CD53: variants seen among roughly 807,000 people sequenced by gnomAD.
CD53 encodes the protein CD53 molecule, also known as leukocyte surface antigen CD53.
CD53 carries 20 observed loss-of-function variants against 27.3 expected under a neutral mutation model. The ratio of observed to expected loss-of-function variants is 0.73; its 90% CI spans 0.52 to 1.07. The LOEUF (loss-of-function observed/expected upper bound fraction) is 1.07, where lower values mean the gene tolerates loss of function less well. Among genes scored for constraint, CD53 ranks in the 50% least tolerant of loss-of-function variants. The pLI is 0.00. For missense variants in CD53, 216 were observed against 264.0 expected (o/e 0.82, Z 1.26); for synonymous variants, 106 against 105.3 (o/e 1.01, Z -0.04).
At chr1:110,897,124 T>C (rs1194570465) in intron 6 of CD53, among the ~76,000 whole-genome samples, 1 of 152,214 alleles carries the variant, frequency 6.6e-6, no homozygotes, top group Non-Finnish European at 1.5e-5. Flanking sequence ...TCCTTGGAGA[T>C]GGCAGAATCC....
chr1:110,898,331 C>T (rs934338767), intron 7 of CD53, among the ~76,000 whole-genome samples: 4 of 144,474 alleles, frequency 2.8e-5, no homozygotes, highest in South Asian at 2.2e-4. Flanking sequence ...GAGTCAAGAT[C>T]GTGCCACTGC....
rs757142638 is a variant in CD53, at chr1:110,892,496, T to C, written c.215T>C (p.Met72Thr). 5.6e-6 allele frequency: 9 copies of C among 1,614,070 alleles called. No homozygotes were observed. In the Admixed American group the frequency reaches 8.3e-5, roughly 15 times the overall value. The part of the protein sequence containing the change: ...IIMVVAFLGC[M>T]GSIKENKCLL... ...ATGGTAGTTGCCTTCCTGGGCTGCA[T>C]GGGCTCTATCAAGGAAAACAAGTGT... is the stretch of plus-strand genomic sequence containing the variant. Residue 72 changes from methionine to threonine, a missense_variant, in exon 3 of 8, where the codon ATG (methionine) becomes ACG (threonine). Physicochemically the swap from Met to Thr is moderately conservative, Grantham distance 81. Coordinates refer to ENST00000271324, the MANE Select transcript of CD53 (RefSeq NM_000560.4).
chr1:110,891,589 G>A (rs2101059412), intron 2 of CD53, 118 bp downstream of exon 2: 2 of 753,992 alleles, frequency 2.7e-6, no homozygotes, highest in East Asian at 2.6e-5. Flanking sequence ...GTCATGTCCA[G>A]CACAACCATC....
intron 5 of CD53, 25 bp downstream of exon 5, chr1:110,895,080 A>G (rs755062199): frequency 6.6e-7 from 1 of 1,513,964 alleles, no homozygotes; most frequent in Non-Finnish European, 9.2e-7. Context: ...AATCCTCTTC[A>G]GATCAGCCCA....
chr1:110,895,404 C>T (rs1307888917), intron 5 of CD53, among the ~76,000 whole-genome samples: 1 of 152,154 alleles, frequency 6.6e-6, no homozygotes, highest in Non-Finnish European at 1.5e-5. Context: ...ATTGAGTTCC[C>T]GAGTTGCCCA....
chr1:110,871,848 C>CACACA (rs1553201970), upstream of CD53, among the ~76,000 whole-genome samples: 2 of 144,654 alleles, frequency 1.4e-5, no homozygotes, highest in African/African-American at 2.6e-5. Context: ...CACACACACA[C>CACACA]CACACAGTTC....
rs538109707 is a variant in CD53, at chr1:110,884,913, A to G, written c.-17-6479A>G. 2.6e-5 allele frequency among the ~76,000 whole-genome samples: 4 copies of G among 152,218 alleles called. No homozygotes were observed. In the East Asian group the frequency reaches 7.7e-4, roughly 29 times the overall value. On this transcript the variant is annotated intron_variant, in intron 1 of 7. Coordinates refer to ENST00000271324, the MANE Select transcript of CD53 (RefSeq NM_000560.4). ...CAATCCATCTATTTATTCCTGCTTC[A>G]TATTTTAAGTATTCAGACCATTTCA...
chr1:110,875,281 C>T (rs1252889076), intron 1 of CD53, among the ~76,000 whole-genome samples: 1 of 152,136 alleles, frequency 6.6e-6, no homozygotes, highest in Non-Finnish European at 1.5e-5. Flanking sequence ...AGCCCTTTCT[C>T]CTACTTGGCA....
At chr1:110,874,187 A>G (rs994118432) in intron 1 of CD53, among the ~76,000 whole-genome samples, 4 of 152,180 alleles carry the variant, frequency 2.6e-5, no homozygotes, top group African/African-American at 9.7e-5. Context: ...CCACCCATCT[A>G]AGTATGAGGA....
intron 1 of CD53, among the ~76,000 whole-genome samples, chr1:110,874,624 A>T (rs929978997): frequency 3.3e-5 from 5 of 152,238 alleles, no homozygotes; most frequent in Non-Finnish European, 7.3e-5. Flanking sequence ...GAACTGAAAC[A>T]TTATTTCCTG....
intron 1 of CD53, among the ~76,000 whole-genome samples, chr1:110,876,773 TA>T (rs1254941485): frequency 2.6e-5 from 4 of 152,092 alleles, no homozygotes; most frequent in African/African-American, 9.7e-5. Context: ...CCCATCCCTT[TA>T]AAAAAATGAC....
At chr1:110,879,585 T>C (rs1656269924) in intron 1 of CD53, among the ~76,000 whole-genome samples, 1 of 152,278 alleles carries the variant, frequency 6.6e-6, no homozygotes, top group East Asian at 1.9e-4. Context: ...TTATCTTGGC[T>C]TTTGTTTGAG....
At chr1:110,880,066 T>C (rs1191540968) in intron 1 of CD53, among the ~76,000 whole-genome samples, 1 of 152,186 alleles carries the variant, frequency 6.6e-6, no homozygotes, top group Non-Finnish European at 1.5e-5. Context: ...TGTTGAGTTG[T>C]GGAAGGTAGC....
rs553248419 is a variant in CD53, at chr1:110,894,990, G to C, written c.358G>C (p.Asp120His). Residue 120 changes from aspartate to histidine, a missense_variant, in exon 5 of 8, where the codon GAC (aspartate) becomes CAC (histidine). By Grantham distance (81) the Asp-to-His change is moderately conservative. Coordinates refer to ENST00000271324, the MANE Select transcript of CD53 (RefSeq NM_000560.4). ...LNEYVAKGLTDSIHRYHSDNS... is the reference protein window; with the variant it reads ...LNEYVAKGLTHSIHRYHSDNS... The stretch of plus-strand genomic sequence containing the variant: ...TGAGTATGTGGCTAAGGGTCTGACC[G>C]ACAGCATCCACCGTTACCACTCAGA... 2 of 1,613,966 alleles carry C rather than the reference G, an allele frequency of 1.2e-6. No homozygotes were observed.
intron 1 of CD53, among the ~76,000 whole-genome samples, chr1:110,879,745 T>A (rs1428995519): frequency 6.6e-6 from 1 of 152,028 alleles, no homozygotes; most frequent in African/African-American, 2.4e-5. Context: ...AAAAAAATTT[T>A]AAAATAGAGA....
chr1:110,878,362 T>A (rs1478368564), intron 1 of CD53, among the ~76,000 whole-genome samples: 8 of 152,156 alleles, frequency 5.3e-5, no homozygotes, highest in Non-Finnish European at 1.2e-4. Context: ...ACAGGCTCTG[T>A]GTAGGAAGGG....
At chr1:110,898,158 A>G (rs1287918893) in intron 7 of CD53, among the ~76,000 whole-genome samples, 1 of 152,132 alleles carries the variant, frequency 6.6e-6, no homozygotes, top group Non-Finnish European at 1.5e-5. Flanking sequence ...CAGGCAGATC[A>G]CGAGGTCAGG....
chr1:110,878,836 C>T (rs1052456028), intron 1 of CD53, among the ~76,000 whole-genome samples: 5 of 152,152 alleles, frequency 3.3e-5, no homozygotes, highest in Admixed American at 1.3e-4. Flanking sequence ...GTTCTAATAA[C>T]GTATTCTCAA....
chr1:110,887,694 T>C (rs1656683603), intron 1 of CD53, among the ~76,000 whole-genome samples: 1 of 152,234 alleles, frequency 6.6e-6, no homozygotes, highest in African/African-American at 2.4e-5. Context: ...CTGTGTACTC[T>C]AGCCTGTGAA....
Sources: allele counts gnomAD v4.1 joint callset (sites outside exome capture counted in the v4.1 genomes callset), GRCh38; gene constraint gnomAD v4.1.1; transcripts MANE v1.5; gene names NCBI Gene and HGNC (gene_info 2026-07-23, HGNC 2026-07-21).